Variants in STK32A observed in about 807,000 individuals in gnomAD.
STK32A encodes the protein serine/threonine kinase 32A.
STK32A carries 41 observed loss-of-function variants against 53.2 expected under a neutral mutation model. That is an observed-to-expected ratio of 0.77 (90% CI 0.60 to 1.00). The LOEUF (loss-of-function observed/expected upper bound fraction) is 1.00. Ranked by LOEUF, STK32A falls within the 50% of genes least tolerant of loss-of-function variation. The pLI, the probability that STK32A is intolerant of heterozygous loss-of-function variation, is 0.00. For missense variants in STK32A, 458 were observed against 485.8 expected (o/e 0.94, Z 0.54); for synonymous variants, 166 against 162.8 (o/e 1.02, Z -0.15).
chr5:147,246,678 G>A (rs969657083), intron 2 of STK32A, among the ~76,000 whole-genome samples: 4 of 152,050 alleles, frequency 2.6e-5, no homozygotes, highest in South Asian at 2.1e-4. Flanking sequence ...CTGGTTTAAT[G>A]GCAACAAATT....
intron 2 of STK32A, among the ~76,000 whole-genome samples, chr5:147,269,225 G>A (rs977694159): frequency 1.3e-5 from 2 of 152,168 alleles, no homozygotes; most frequent in Non-Finnish European, 2.9e-5. Flanking sequence ...AATGTTAGAT[G>A]TTAGCTACTA....
intron 4 of STK32A, among the ~76,000 whole-genome samples, chr5:147,296,292 T>C (rs996430456): frequency 1.3e-5 from 2 of 152,052 alleles, no homozygotes; most frequent in Admixed American, 1.3e-4. Context: ...TTAAAGGAAG[T>C]AAAGTACACT....
intron 5 of STK32A, among the ~76,000 whole-genome samples, chr5:147,326,501 C>G (rs1447119392): frequency 6.6e-6 from 1 of 152,174 alleles, no homozygotes; most frequent in African/African-American, 2.4e-5. Flanking sequence ...CCTTTTGTAC[C>G]TCTCCTGAGG....
chr5:147,382,260 C>T (rs566127233), intron 11 of STK32A, among the ~76,000 whole-genome samples: 1 of 152,198 alleles, frequency 6.6e-6, no homozygotes, highest in Non-Finnish European at 1.5e-5. Flanking sequence ...CACTTTTCAG[C>T]TCAAGAATTC....
chr5:147,318,598 C>A (rs1754132341), intron 4 of STK32A, among the ~76,000 whole-genome samples: 1 of 149,344 alleles, frequency 6.7e-6, no homozygotes. Flanking sequence ...GCCCTCACCT[C>A]TACTAAAAAT....
chr5:147,294,905 G>A (rs1370914765), intron 4 of STK32A, among the ~76,000 whole-genome samples: 3 of 152,124 alleles, frequency 2.0e-5, no homozygotes, highest in Admixed American at 2.0e-4. Flanking sequence ...GGGTGGTCTC[G>A]ATCTCCTGAC....
chr5:147,319,234 C>T (rs1754174002), intron 4 of STK32A, among the ~76,000 whole-genome samples: 1 of 150,708 alleles, frequency 6.6e-6, no homozygotes, highest in African/African-American at 2.4e-5. Flanking sequence ...GCTCCGCCTC[C>T]TGGGTTCAAG....
intron 4 of STK32A, among the ~76,000 whole-genome samples, chr5:147,305,817 A>G (rs1450313618): frequency 6.6e-6 from 1 of 151,934 alleles, no homozygotes; most frequent in Non-Finnish European, 1.5e-5. Flanking sequence ...AGACTTTCGC[A>G]GAGTACTACT....
chr5:147,314,507 CA>C (rs1299138229), intron 4 of STK32A, among the ~76,000 whole-genome samples: 3,187 of 12,630 alleles, frequency 0.25, 262 homozygotes, highest in African/African-American at 0.43. Context: ...TCAAAAAAAA[CA>C]AAAAAAAACA....
chr5:147,360,918 A>T (rs1661600693), intron 7 of STK32A, among the ~76,000 whole-genome samples: 1 of 152,190 alleles, frequency 6.6e-6, no homozygotes, highest in Non-Finnish European at 1.5e-5. Flanking sequence ...TCTGCCTTCC[A>T]CTGGAATCAA....
chr5:147,300,025 C>A (rs1753055398), intron 4 of STK32A, among the ~76,000 whole-genome samples: 1 of 152,138 alleles, frequency 6.6e-6, no homozygotes, highest in Non-Finnish European at 1.5e-5. Flanking sequence ...TTCCTGGAAG[C>A]AGCCTCCATC....
intron 2 of STK32A, among the ~76,000 whole-genome samples, chr5:147,247,780 T>C (rs1054414960): frequency 1.3e-5 from 2 of 152,204 alleles, no homozygotes; most frequent in African/African-American, 4.8e-5. Context: ...AAATATTTTT[T>C]GCATAAGATC....
At chr5:147,397,793 A>G in the STK32A span, 137 of 1,613,922 alleles carry the variant, frequency 8.5e-5, no homozygotes, top group Non-Finnish European at 1.1e-4. Context: ...GCAGATGACA[A>G]CCAGAGGAGC....
intron 5 of STK32A, among the ~76,000 whole-genome samples, chr5:147,325,434 T>A (rs968022826): frequency 2.0e-4 from 31 of 152,064 alleles, no homozygotes; most frequent in Admixed American, 1.4e-3. Context: ...ATTACAGGAG[T>A]GAGCCACTGT....
chr5:147,359,039 T>C (rs902469506), intron 7 of STK32A, among the ~76,000 whole-genome samples: 9 of 152,254 alleles, frequency 5.9e-5, no homozygotes, highest in Non-Finnish European at 1.2e-4. Flanking sequence ...TTGCTAATTC[T>C]GCAGTGTTTT....
chr5:147,395,867 G>A, the STK32A span: 4 of 1,029,702 alleles, frequency 3.9e-6, no homozygotes, highest in Non-Finnish European at 5.6e-6. Flanking sequence ...GGGAGAAGTA[G>A]TATAAAATAA....
chr5:147,259,266 A>G (rs1035237579), intron 2 of STK32A, among the ~76,000 whole-genome samples: 1 of 152,150 alleles, frequency 6.6e-6, no homozygotes, highest in Non-Finnish European at 1.5e-5. Flanking sequence ...GGTAGTTCTG[A>G]ACTGGTGAGG....
chr5:147,275,173 A>G (rs1755199545), intron 2 of STK32A, among the ~76,000 whole-genome samples: 1 of 151,968 alleles, frequency 6.6e-6, no homozygotes, highest in South Asian at 2.1e-4. Context: ...ATAATCCACA[A>G]TTCTGACTTC....
intron 2 of STK32A, among the ~76,000 whole-genome samples, chr5:147,244,938 G>A (rs575956569): frequency 3.0e-4 from 45 of 152,102 alleles, no homozygotes; most frequent in Non-Finnish European, 5.9e-4. Context: ...TGAACTCTTT[G>A]AAGTACTTTA....
Sources: allele counts gnomAD v4.1 joint callset (sites outside exome capture counted in the v4.1 genomes callset), GRCh38; gene constraint gnomAD v4.1.1; transcripts MANE v1.5; gene names NCBI Gene and HGNC (gene_info 2026-07-23, HGNC 2026-07-21).